The following NCOA6 variants were observed in gnomAD, a reference collection of about 807,000 sequenced individuals.
NCOA6 encodes nuclear receptor coactivator 6.
In NCOA6, 49 loss-of-function variants were observed where a neutral mutation model predicts 171.4. The ratio of observed to expected loss-of-function variants is 0.29; its 90% CI spans 0.23 to 0.36. NCOA6 has a LOEUF of 0.36. Ranked by LOEUF, NCOA6 falls within the 10% of genes least tolerant of loss-of-function variation. The pLI is 1.00. For synonymous variants in NCOA6, 910 were observed against 927.5 expected, an observed-to-expected ratio of 0.98 and a Z score of 0.34; for missense variants, 2,248 against 2,554.5, an observed-to-expected ratio of 0.88 and a Z score of 2.59.
At chr20:34,816,948 C>G (rs571986834) in intron 1 of NCOA6, among the ~76,000 whole-genome samples, 162 of 151,560 alleles carry the variant, frequency 1.1e-3, no homozygotes, top group African/African-American at 3.7e-3. Flanking sequence ...TGGTCAAACC[C>G]CATCTCTACT....
chr20:34,754,676 C>T, intron 8 of NCOA6, 46 bp downstream of exon 8: 22 of 1,611,734 alleles, frequency 1.4e-5, no homozygotes, highest in Non-Finnish European at 1.9e-5. Context: ...AAGTCTACGA[C>T]ACAATGCTCA....
intron 8 of NCOA6, 48 bp downstream of exon 8, chr20:34,754,674 G>A (rs6087625): frequency 0.38 from 604,609 of 1,609,562 alleles, 116,729 homozygotes; most frequent in Middle Eastern, 0.44. Flanking sequence ...TCAAGTCTAC[G>A]ACACAATGCT....
chr20:34,723,903 C>T (rs920643073), intron 14 of NCOA6, among the ~76,000 whole-genome samples: 32 of 152,158 alleles, frequency 2.1e-4, no homozygotes, highest in Non-Finnish European at 4.6e-4. Flanking sequence ...TGTGACATCT[C>T]TAAAGGCCAA....
intron 5 of NCOA6, among the ~76,000 whole-genome samples, chr20:34,765,717 T>C (rs976989686): frequency 1.3e-5 from 2 of 152,136 alleles, no homozygotes; most frequent in African/African-American, 4.8e-5. Flanking sequence ...GGGATGCTAC[T>C]AAACATCCCA....
At chr20:34,762,945 C>T (rs2076861561) in intron 5 of NCOA6, among the ~76,000 whole-genome samples, 1 of 152,166 alleles carries the variant, frequency 6.6e-6, no homozygotes, top group Admixed American at 6.5e-5. Context: ...TATTCCAATG[C>T]TTCCTGGCCT....
chr20:34,757,341 C>A lies in NCOA6; in HGVS notation c.1407G>T (p.Gln469His), dbSNP rs770309670. Residue 469 changes from glutamine (Q) to histidine (H), a missense_variant, in exon 7 of 15, where the codon CAG becomes CAT. Gln to His is a conservative substitution (Grantham distance 24). Coordinates refer to ENST00000359003, the MANE Select transcript of NCOA6 (RefSeq NM_014071.5). ...QNNPLPQGFQ[Q>H]PVSSPGRNPM... is the part of the protein sequence containing the mutation. Reference sequence around the variant, plus strand: ...GATTCCGACCCGGAGAGCTGACAGGCTGCTGAAATCCCTGGGGAAGTGGGT... The same window carrying A: ...GATTCCGACCCGGAGAGCTGACAGGATGCTGAAATCCCTGGGGAAGTGGGT... 6.2e-7 allele frequency: 1 copy of A among 1,614,190 alleles called. No individual in the cohort carries two copies.
intron 1 of NCOA6, among the ~76,000 whole-genome samples, chr20:34,793,852 TA>T (rs985754292): frequency 3.3e-5 from 5 of 151,970 alleles, no homozygotes; most frequent in African/African-American, 7.3e-5. Context: ...GCACATAAAA[TA>T]AAAAGATCAA....
chr20:34,772,453 T>C (rs1415997117), intron 4 of NCOA6, among the ~76,000 whole-genome samples: 1 of 152,182 alleles, frequency 6.6e-6, no homozygotes, highest in East Asian at 1.9e-4. Flanking sequence ...TCTTATAACC[T>C]TATAAAGAAT....
chr20:34,718,509 A>C (rs1051584539), intron 14 of NCOA6, among the ~76,000 whole-genome samples: 1 of 149,888 alleles, frequency 6.7e-6, no homozygotes, highest in African/African-American at 2.5e-5. Flanking sequence ...GGAGTCTTGC[A>C]AATTACTTTT....
chr20:34,735,715 T>G (rs1202713168), intron 12 of NCOA6, among the ~76,000 whole-genome samples: 1 of 152,154 alleles, frequency 6.6e-6, no homozygotes, highest in African/African-American at 2.4e-5. Context: ...CGCACACTAT[T>G]TTCAGAGGCC....
rs1428611897 is a variant in NCOA6, at chr20:34,738,541, A to G, written c.5894-1783T>C. Among the ~76,000 whole-genome samples the G allele has an allele frequency of 4.6e-5, 7 of 152,350 alleles. No homozygotes were observed. The East Asian group carries it at 1.4e-3, about 29-fold the overall frequency. On this transcript the variant is annotated intron_variant, in intron 11 of 14. Transcript: ENST00000359003. The stretch of plus-strand genomic sequence containing the variant: ...ACCAACAGAACTAGAACAATATACA[A>G]TAAGCACCCAGTCTTGTGAAGACTG...
chr20:34,716,062 C>T (rs1334825660), intron 14 of NCOA6, among the ~76,000 whole-genome samples: 1 of 151,852 alleles, frequency 6.6e-6, no homozygotes, highest in Non-Finnish European at 1.5e-5. Flanking sequence ...ACTAAAAATA[C>T]ACGAAAAACT....
chr20:34,725,771 G>C (rs1989889947), intron 14 of NCOA6, among the ~76,000 whole-genome samples: 1 of 152,048 alleles, frequency 6.6e-6, no homozygotes, highest in African/African-American at 2.4e-5. Context: ...ATTGAGATGG[G>C]GTACAATGGC....
intron 14 of NCOA6, among the ~76,000 whole-genome samples, chr20:34,716,368 A>C (rs1473373914): frequency 3.3e-5 from 5 of 152,252 alleles, no homozygotes; most frequent in Non-Finnish European, 7.3e-5. Context: ...AGTGACATAC[A>C]GGGAAATGAC....
intron 5 of NCOA6, among the ~76,000 whole-genome samples, chr20:34,765,239 T>G (rs1004127066): frequency 2.0e-5 from 3 of 150,858 alleles, no homozygotes; most frequent in Admixed American, 2.0e-4. Flanking sequence ...GATCACAAGG[T>G]CAGGAGATCG....
chr20:34,717,997 G>A (rs980457319), intron 14 of NCOA6, among the ~76,000 whole-genome samples: 1 of 152,122 alleles, frequency 6.6e-6, no homozygotes, highest in Non-Finnish European at 1.5e-5. Flanking sequence ...TTCCTTGCTT[G>A]TTCCCATTTG....
chr20:34,788,520 G>A (rs28542147), intron 2 of NCOA6, among the ~76,000 whole-genome samples: 51,662 of 151,988 alleles, frequency 0.34, 9,179 homozygotes, highest in Middle Eastern at 0.42. Flanking sequence ...GCACACTGGT[G>A]GATGTGTCTT....
chr20:34,789,956 C>A (rs1046583269), intron 2 of NCOA6, among the ~76,000 whole-genome samples: 2 of 151,432 alleles, frequency 1.3e-5, no homozygotes, highest in South Asian at 4.2e-4. Flanking sequence ...AAAGGCCGGG[C>A]GGGCACAGTG....
intron 1 of NCOA6, among the ~76,000 whole-genome samples, chr20:34,812,003 A>G (rs1474895222): frequency 1.3e-5 from 2 of 152,068 alleles, no homozygotes; most frequent in Non-Finnish European, 2.9e-5. Context: ...TAATCCCAGC[A>G]CTTTGGGAGG....
Sources: gnomAD v4.1 joint callset for allele counts (sites outside exome capture counted in the v4.1 genomes callset) on GRCh38, gnomAD v4.1.1 for gene constraint, MANE v1.5 for transcripts, NCBI Gene and HGNC (gene_info 2026-07-23, HGNC 2026-07-21) for gene names.